Variants in PAPPA observed in about 807,000 individuals in gnomAD.
PAPPA encodes pappalysin-1.
In PAPPA, 60 loss-of-function variants were observed where a neutral mutation model predicts 164.0. That is an observed-to-expected ratio of 0.37 (90% CI 0.30 to 0.45). The LOEUF (loss-of-function observed/expected upper bound fraction) is 0.45. Among genes scored for constraint, PAPPA ranks in the 20% least tolerant of loss-of-function variants. PAPPA has a pLI of 1.00. For synonymous variants in PAPPA, 875 were observed against 814.1 expected, an observed-to-expected ratio of 1.07 and a Z score of -1.27; for missense variants, 1,782 against 2,087.3, an observed-to-expected ratio of 0.85 and a Z score of 2.85.
intron 7 of PAPPA, among the ~76,000 whole-genome samples, chr9:116,253,473 C>T (rs958806909): frequency 1.3e-5 from 2 of 152,102 alleles, no homozygotes; most frequent in Non-Finnish European, 2.9e-5. Flanking sequence ...TTTTCTGATA[C>T]TTGGTCCACA....
At chr9:116,379,913 C>G (rs1000100728) in intron 20 of PAPPA, among the ~76,000 whole-genome samples, 5 of 152,144 alleles carry the variant, frequency 3.3e-5, no homozygotes, top group African/African-American at 1.2e-4. Context: ...GGAGAAATCT[C>G]TAAGTACCAG....
chr9:116,280,693 C>T (rs1845255507), intron 9 of PAPPA, among the ~76,000 whole-genome samples: 1 of 152,244 alleles, frequency 6.6e-6, no homozygotes, highest in African/African-American at 2.4e-5. Context: ...GGCATAATAG[C>T]CATGTGCATG....
chr9:116,369,842 G>C (rs547337228), intron 19 of PAPPA, among the ~76,000 whole-genome samples: 1 of 151,126 alleles, frequency 6.6e-6, no homozygotes, highest in East Asian at 2.0e-4. Context: ...GGCCTACCGA[G>C]AGAACCATAA....
intron 6 of PAPPA, among the ~76,000 whole-genome samples, chr9:116,234,601 T>G (rs1452771201): frequency 6.6e-6 from 1 of 152,156 alleles, no homozygotes; most frequent in Non-Finnish European, 1.5e-5. Context: ...GGATTCTAAT[T>G]TATTCTACTG....
At chr9:116,186,277 T>C (rs898781455) in intron 1 of PAPPA, among the ~76,000 whole-genome samples, 3 of 151,092 alleles carry the variant, frequency 2.0e-5, no homozygotes, top group Non-Finnish European at 4.4e-5. Context: ...TAGATATAGA[T>C]ATAGATATAG....
At chr9:116,227,840 G>A (rs1041405325) in intron 6 of PAPPA, among the ~76,000 whole-genome samples, 1 of 152,062 alleles carries the variant, frequency 6.6e-6, no homozygotes, top group Admixed American at 6.5e-5. Flanking sequence ...CAGTGTCTTG[G>A]GGGTATTTAT....
chr9:116,220,614 C>T (rs1168815195), intron 5 of PAPPA, among the ~76,000 whole-genome samples: 1 of 151,646 alleles, frequency 6.6e-6, no homozygotes, highest in Non-Finnish European at 1.5e-5. Context: ...CAAGGCCGGG[C>T]ATGGTGGCTC....
chr9:116,159,067 A>G (rs1419484783), intron 1 of PAPPA, among the ~76,000 whole-genome samples: 1 of 152,214 alleles, frequency 6.6e-6, no homozygotes, highest in African/African-American at 2.4e-5. Flanking sequence ...ATGGATATAA[A>G]TCTCAACTGA....
chr9:116,156,338 A>G (rs1357418350), intron 1 of PAPPA, among the ~76,000 whole-genome samples: 1 of 131,708 alleles, frequency 7.6e-6, no homozygotes, highest in African/African-American at 2.7e-5. Context: ...ATATGTGTAT[A>G]TATATATATG....
chr9:116,367,979 T>G (rs746790952), intron 19 of PAPPA, among the ~76,000 whole-genome samples: 50 of 152,318 alleles, frequency 3.3e-4, no homozygotes, highest in Non-Finnish European at 6.5e-4. Flanking sequence ...ACTTTCTCTC[T>G]GTCAGGTCCT....
At chr9:116,334,444 C>G (rs1045652681) in intron 12 of PAPPA, among the ~76,000 whole-genome samples, 7 of 152,012 alleles carry the variant, frequency 4.6e-5, no homozygotes, top group Non-Finnish European at 2.9e-5. Flanking sequence ...GGCTTTTTAC[C>G]CTGGGAAGCG....
At chr9:116,189,928 C>G (rs1281696691) in intron 2 of PAPPA, among the ~76,000 whole-genome samples, 2 of 152,240 alleles carry the variant, frequency 1.3e-5, no homozygotes, top group Non-Finnish European at 2.9e-5. Flanking sequence ...CTCAGCTCAG[C>G]TTCCCGGCAC....
At chr9:116,293,357 T>G (rs1248828344) in intron 9 of PAPPA, among the ~76,000 whole-genome samples, 2 of 152,202 alleles carry the variant, frequency 1.3e-5, no homozygotes, top group Non-Finnish European at 2.9e-5. Context: ...TTTGGGAGAC[T>G]AATGATGTAG....
In PAPPA at chr9:116,220,031, A is replaced by G. The variant is rs1844423896; in HGVS notation, c.2013A>G (p.Lys671=). 1 of 1,614,114 alleles carries G rather than the reference A, an allele frequency of 6.2e-7. No homozygotes were observed. ...LVYQGWQPSR[K]PAPVALAPQV... is the part of the protein sequence containing the mutation. ...ACCAGGGCTGGCAGCCCTCCAGGAA[A>G]CCAGCGCCTGTTGCCCTCGCCCCCC... The change falls in exon 5 of 22, where the codon AAA becomes AAG. Residue 671 remains lysine, a synonymous_variant. Transcript: ENST00000328252.
intron 21 of PAPPA, among the ~76,000 whole-genome samples, chr9:116,387,330 T>A (rs1846828411): frequency 6.6e-6 from 1 of 152,252 alleles, no homozygotes; most frequent in Non-Finnish European, 1.5e-5. Context: ...GAGTTATTGC[T>A]TTGCTTTACA....
chr9:116,168,374 C>G (rs1296823187), intron 1 of PAPPA, among the ~76,000 whole-genome samples: 5 of 152,064 alleles, frequency 3.3e-5, no homozygotes, highest in Non-Finnish European at 7.4e-5. Flanking sequence ...ACTCCCAGTC[C>G]TAGTGGTGGA....
intron 1 of PAPPA, among the ~76,000 whole-genome samples, chr9:116,158,540 A>T (rs1843629274): frequency 6.6e-6 from 1 of 152,236 alleles, no homozygotes; most frequent in Admixed American, 6.5e-5. Flanking sequence ...TGATGGCACA[A>T]GTACCTGTAT....
chr9:116,343,741 TTTTATTTA>T (rs1224868226), intron 13 of PAPPA, among the ~76,000 whole-genome samples: 26 of 142,230 alleles, frequency 1.8e-4, no homozygotes, highest in East Asian at 6.1e-4. Flanking sequence ...TACCACTTAT[TTTTATTTA>T]TTTATTTATT....
intron 19 of PAPPA, among the ~76,000 whole-genome samples, chr9:116,375,346 A>T (rs2118677436): frequency 6.6e-6 from 1 of 152,328 alleles, no homozygotes; most frequent in African/African-American, 2.4e-5. Flanking sequence ...CATCAAGTTA[A>T]GCTCTTTCTC....
Sources: allele counts gnomAD v4.1 joint callset (sites outside exome capture counted in the v4.1 genomes callset), GRCh38; gene constraint gnomAD v4.1.1; transcripts MANE v1.5; gene names NCBI Gene and HGNC (gene_info 2026-07-23, HGNC 2026-07-21).